The following OR51B5 variants were observed in gnomAD, a reference collection of about 807,000 sequenced individuals.
OR51B5 encodes the protein olfactory receptor 51B5.
For synonymous variants in OR51B5, 186 were observed against 144.8 expected (o/e 1.28, Z -2.04); for missense variants, 456 against 374.6 (o/e 1.22, Z -1.79).
chr11:5,350,314 A>G (rs1209178204), intron 1 of OR51B5, among the ~76,000 whole-genome samples: 9 of 152,230 alleles, frequency 5.9e-5, no homozygotes, highest in Non-Finnish European at 1.3e-4. Flanking sequence ...TCTGAAAATG[A>G]AAGTCCAGTA....
chr11:5,341,016 T>TA (rs887807023), downstream of OR51B5: 1 of 152,168 alleles, frequency 6.6e-6, no homozygotes, highest in Non-Finnish European at 1.5e-5. Context: ...GTGACAAGGA[T>TA]AAAAAACATG....
intron 1 of OR51B5, among the ~76,000 whole-genome samples, chr11:5,410,916 C>T (rs1850139249): frequency 6.7e-6 from 1 of 148,512 alleles, no homozygotes; most frequent in South Asian, 2.2e-4. Flanking sequence ...TATTTCTGTA[C>T]CACTGTACAA....
At chr11:5,364,970 A>C (rs34053335) in intron 1 of OR51B5, among the ~76,000 whole-genome samples, 40,582 of 151,890 alleles carry the variant, frequency 0.27, 5,631 homozygotes, top group African/African-American at 0.32. Flanking sequence ...AAAAAAATGA[A>C]GTAACAGAAG....
intron 1 of OR51B5, among the ~76,000 whole-genome samples, chr11:5,436,047 G>A (rs1330362280): frequency 1.3e-5 from 2 of 152,146 alleles, no homozygotes; most frequent in Non-Finnish European, 2.9e-5. Flanking sequence ...TACTTAGGCT[G>A]TAACTGAAGT....
At chr11:5,352,485 C>A (rs1266028955) in intron 1 of OR51B5, 2 of 1,288,910 alleles carry the variant, frequency 1.6e-6, no homozygotes, top group South Asian at 2.7e-5. Flanking sequence ...TTCAGGGGAC[C>A]TGGACAGGAT....
chr11:5,359,118 A>G (rs1424925479), intron 1 of OR51B5, among the ~76,000 whole-genome samples: 1 of 152,218 alleles, frequency 6.6e-6, no homozygotes, highest in Non-Finnish European at 1.5e-5. Context: ...ACTCCTATTC[A>G]ACATAGTGTT....
intron 1 of OR51B5, among the ~76,000 whole-genome samples, chr11:5,426,428 C>T (rs1259135335): frequency 6.6e-6 from 1 of 152,132 alleles, no homozygotes; most frequent in Non-Finnish European, 1.5e-5. Context: ...CCAGAAAAAT[C>T]TAACTCTCTT....
chr11:5,488,270 G>A (rs1045440610), intron 1 of OR51B5, among the ~76,000 whole-genome samples: 4 of 152,154 alleles, frequency 2.6e-5, no homozygotes, highest in African/African-American at 7.2e-5. Context: ...GGGAAGCAGG[G>A]AAACTTGTAT....
intron 1 of OR51B5, among the ~76,000 whole-genome samples, chr11:5,350,600 A>C (rs956657426): frequency 6.6e-6 from 1 of 152,126 alleles, no homozygotes; most frequent in African/African-American, 2.4e-5. Flanking sequence ...TAAAAAAAAA[A>C]TTCTCCTTGA....
At chr11:5,341,794 C>T (rs183462198), downstream of OR51B5, among the ~76,000 whole-genome samples, 58 of 152,138 alleles carry the variant, frequency 3.8e-4, no homozygotes, top group African/African-American at 1.2e-3. Context: ...AGTCAGCCAG[C>T]GTAGATATCT....
intron 1 of OR51B5, among the ~76,000 whole-genome samples, chr11:5,350,678 C>T (rs1395644009): frequency 6.6e-6 from 1 of 152,142 alleles, no homozygotes; most frequent in African/African-American, 2.4e-5. Flanking sequence ...TAGTTTGGTG[C>T]TATTATCAAT....
chr11:5,434,810 C>T (rs930863123), intron 1 of OR51B5, among the ~76,000 whole-genome samples: 47 of 152,138 alleles, frequency 3.1e-4, no homozygotes, highest in African/African-American at 5.3e-4. Context: ...GCCTGAAACC[C>T]GTAAGTGGCT....
In OR51B5 at chr11:5,422,250, C is replaced by T. The variant is rs755100853; in HGVS notation, n.85-75340G>A. Reference sequence around the variant, plus strand: ...CAAGAAGGCATCTACTTCATCCTCACGGACATCCCTGGATTTGAGGCCTCC... The same window carrying T: ...CAAGAAGGCATCTACTTCATCCTCATGGACATCCCTGGATTTGAGGCCTCC... On this transcript the variant is annotated intron_variant and non_coding_transcript_variant, in intron 1 of 4. Transcript: ENST00000415970. 2.1e-5 allele frequency: 34 copies of T among 1,613,762 alleles called. No homozygotes were observed. The East Asian group carries it at 6.0e-4, about 29-fold the overall frequency.
At chr11:5,431,206 C>T (rs763202731) in intron 1 of OR51B5, 26 of 356,928 alleles carry the variant, frequency 7.3e-5, no homozygotes, top group Admixed American at 1.9e-4. Context: ...GGCTGTATAG[C>T]GCAGGAGGTT....
chr11:5,422,950 C>T (rs555285376), intron 1 of OR51B5: 9 of 1,614,132 alleles, frequency 5.6e-6, no homozygotes, highest in Non-Finnish European at 7.6e-6. Context: ...TTCTAGCTGT[C>T]CTGGTCCTCT....
At chr11:5,435,223 A>T (rs564552020) in intron 1 of OR51B5, among the ~76,000 whole-genome samples, 1 of 152,342 alleles carries the variant, frequency 6.6e-6, no homozygotes, top group Non-Finnish European at 1.5e-5. Context: ...TGGGGAGTTT[A>T]TCGCATCCCT....
intron 1 of OR51B5, among the ~76,000 whole-genome samples, chr11:5,470,410 T>C (rs931327495): frequency 3.3e-5 from 5 of 152,140 alleles, no homozygotes; most frequent in African/African-American, 4.8e-5. Context: ...TAATCACCCA[T>C]TTTCCACTCA....
chr11:5,422,235 T>A (rs1441093846), intron 1 of OR51B5: 2 of 1,613,332 alleles, frequency 1.2e-6, no homozygotes, highest in Non-Finnish European at 1.7e-6. Flanking sequence ...CAAGAAGGCA[T>A]CTACTTCATC....
chr11:5,370,039 G>C (rs1196150572), intron 1 of OR51B5, among the ~76,000 whole-genome samples: 1 of 152,112 alleles, frequency 6.6e-6, no homozygotes, highest in African/African-American at 2.4e-5. Context: ...GGCCCCAGGA[G>C]AGTCAGTGTT....
Sources: gnomAD v4.1 joint callset for allele counts (sites outside exome capture counted in the v4.1 genomes callset) on GRCh38, gnomAD v4.1.1 for gene constraint, MANE v1.5 for transcripts, NCBI Gene and HGNC (gene_info 2026-07-23, HGNC 2026-07-21) for gene names.